ARL13B: variants seen among roughly 807,000 people sequenced by gnomAD.
The protein encoded by ARL13B is ADP-ribosylation factor-like protein 13B.
Under a neutral mutation model 56.1 loss-of-function variants are expected in ARL13B, and 36 were observed. The ratio of observed to expected loss-of-function variants is 0.64; its 90% CI spans 0.49 to 0.85. The LOEUF is 0.85. Among genes scored for constraint, ARL13B ranks in the 40% least tolerant of loss-of-function variants. The pLI, the probability that ARL13B is intolerant of heterozygous loss-of-function variation, is 0.00. For synonymous variants in ARL13B, 178 were observed against 171.1 expected, an observed-to-expected ratio of 1.04 and a Z score of -0.32; for missense variants, 519 against 507.1, an observed-to-expected ratio of 1.02 and a Z score of -0.23.
intron 3 of ARL13B, among the ~76,000 whole-genome samples, chr3:94,021,273 A>C (rs2076443615): frequency 6.6e-6 from 1 of 151,304 alleles, no homozygotes; most frequent in African/African-American, 2.4e-5. Context: ...AGCTCACTGC[A>C]ATCTCCACCT....
At chr3:94,008,334 G>T (rs2076167508) in intron 3 of ARL13B, among the ~76,000 whole-genome samples, 1 of 151,926 alleles carries the variant, frequency 6.6e-6, no homozygotes, top group African/African-American at 2.4e-5. Flanking sequence ...AATTAATCTA[G>T]CTGGCCCTTC....
At chr3:94,048,709 A>G (rs1298434615) in intron 7 of ARL13B, among the ~76,000 whole-genome samples, 4 of 151,892 alleles carry the variant, frequency 2.6e-5, no homozygotes, top group Non-Finnish European at 5.9e-5. Flanking sequence ...CTTCTGCCTC[A>G]GCCTCCTGAA....
chr3:94,036,596 G>A lies in ARL13B; in HGVS notation c.531G>A (p.Lys177=). The A allele has an allele frequency of 6.2e-7, 1 of 1,613,930 alleles. No homozygotes were observed. The highest frequency in any genetic ancestry group is 8.5e-7 in the Non-Finnish European group (1 of 1,179,986). ...CGGGGTATGGAAAGAAAATTGACAA[G>A]TCCATTAAAAAAGGCCTTTATTGGC... ...AISGYGKKID[K]SIKKGLYWLL... Residue 177 remains lysine, a synonymous_variant, in exon 5 of 10, where the codon AAG becomes AAA. Coordinates refer to ENST00000394222, the MANE Select transcript of ARL13B (RefSeq NM_001174150.2).
At chr3:94,041,936 A>G (rs2076870276) in intron 6 of ARL13B, among the ~76,000 whole-genome samples, 1 of 152,096 alleles carries the variant, frequency 6.6e-6, no homozygotes, top group Admixed American at 6.6e-5. Context: ...ACGAACCTAT[A>G]ATCCCAGCTA....
intron 7 of ARL13B, among the ~76,000 whole-genome samples, chr3:94,044,876 G>A (rs1237258641): frequency 4.9e-5 from 7 of 142,670 alleles, no homozygotes; most frequent in East Asian, 2.2e-4. Flanking sequence ...CTGCCTGCCC[G>A]CCCCTCGTCG....
At chr3:94,015,290 G>C in intron 3 of ARL13B, 1 of 1,502,538 alleles carries the variant, frequency 6.7e-7, no homozygotes, top group Non-Finnish European at 8.8e-7. Context: ...CTCCTAAGAA[G>C]CAAAAATTTT....
intron 3 of ARL13B, among the ~76,000 whole-genome samples, chr3:94,031,894 G>A (rs2076682883): frequency 6.6e-6 from 1 of 151,984 alleles, no homozygotes; most frequent in Admixed American, 6.6e-5. Flanking sequence ...AATGAAACTG[G>A]AACCCTGTCT....
intron 3 of ARL13B, among the ~76,000 whole-genome samples, chr3:94,029,332 ATATTTAT>A (rs1321005626): frequency 1.7e-4 from 12 of 72,378 alleles, no homozygotes; most frequent in Non-Finnish European, 2.9e-4. Context: ...ATATATATAT[ATATTTAT>A]TTTTTTTTTA....
At chr3:94,047,463 A>G (rs1156892690) in intron 7 of ARL13B, among the ~76,000 whole-genome samples, 2 of 152,202 alleles carry the variant, frequency 1.3e-5, no homozygotes, top group Admixed American at 1.3e-4. Context: ...AATATAGCAC[A>G]GGGAGATCTC....
chr3:93,988,540 A>G, intron 1 of ARL13B: 1 of 294,436 alleles, frequency 3.4e-6, no homozygotes, highest in Non-Finnish European at 6.7e-6. Flanking sequence ...TAGAGCTACT[A>G]AAAGACTTGC....
rs185513154 is a variant in ARL13B, at chr3:94,030,174, T to A, written c.381-5157T>A. On this transcript the variant is annotated intron_variant, in intron 3 of 9. Coordinates refer to ENST00000394222, the MANE Select transcript of ARL13B (RefSeq NM_001174150.2). ...AGGCAGAGAGATAGCAAATAGTTCC[T>A]TTCTGATTGTACCTTGTTTTTATAG... Among the ~76,000 whole-genome samples, 8 of 152,226 alleles carry A rather than the reference T, an allele frequency of 5.3e-5. No homozygotes were observed. The East Asian group carries it at 1.5e-3, about 29-fold the overall frequency.
intron 1 of ARL13B, among the ~76,000 whole-genome samples, chr3:93,980,726 AGTGTGTGTGTGTGTGTGTGTGT>A (rs35756044): frequency 2.0e-5 from 3 of 147,066 alleles, no homozygotes; most frequent in South Asian, 4.4e-4. Context: ...TTTGTTAAAA[AGTGTGTGTGTGTGTGTGTGTGT>A]GTGTGTGTGT....
chr3:94,021,980 C>T (rs1324552926), intron 3 of ARL13B, among the ~76,000 whole-genome samples: 2 of 152,066 alleles, frequency 1.3e-5, no homozygotes, highest in East Asian at 1.9e-4. Flanking sequence ...CCTTACCTGC[C>T]GTACCACATC....
At chr3:93,999,087 CTATTTATTTATT>C (rs6147954) in intron 2 of ARL13B, among the ~76,000 whole-genome samples, 5 of 149,622 alleles carry the variant, frequency 3.3e-5, no homozygotes, top group Non-Finnish European at 5.9e-5. Context: ...AATTCATATT[CTATTTATTTATT>C]TATTTATTTA....
chr3:93,980,812 A>C (rs1369001084), intron 1 of ARL13B, among the ~76,000 whole-genome samples: 1 of 152,024 alleles, frequency 6.6e-6, no homozygotes, highest in Non-Finnish European at 1.5e-5. Context: ...TTTGTAATGG[A>C]AATTCTTTTA....
In ARL13B at chr3:94,044,801, C is replaced by T. The variant is rs373603466; in HGVS notation, c.1024+1561C>T. On this transcript the variant is annotated intron_variant, in intron 7 of 9. Coordinates refer to ENST00000394222, the MANE Select transcript of ARL13B (RefSeq NM_001174150.2). ...GAAGTGAGGAGCGCCTCTGCCCGGC[C>T]GCGCCGTCTGGGAAGTGGGGAGCGC... 2.8e-4 allele frequency among the ~76,000 whole-genome samples: 41 copies of T among 146,274 alleles called. No homozygotes were observed. The East Asian group carries it at 6.7e-3, about 24-fold the overall frequency.
rs1258070216 is a variant in ARL13B at position 93,980,166 on chromosome 3, G to C, written c.-258G>C. On this transcript the variant is annotated 5_prime_UTR_variant, in exon 1 of 10. Coordinates refer to ENST00000394222, the MANE Select transcript of ARL13B (RefSeq NM_001174150.2). ...CACGTCGACGCGGGGCTTTTCTTTAGCCGGGTCCCGCTAACTCGGCTACGG... is the reference window on the plus strand; with the variant it reads ...CACGTCGACGCGGGGCTTTTCTTTACCCGGGTCCCGCTAACTCGGCTACGG... The C allele has an allele frequency of 1.6e-6, 1 of 641,636 alleles. No individual in the cohort carries two copies. The highest frequency in any genetic ancestry group is 2.8e-6 in the Non-Finnish European group (1 of 351,742). 39.7% of individuals were successfully genotyped at this position (641,636 alleles called of 1,614,324 possible).
At chr3:93,983,654 T>G (rs1340865670) in intron 1 of ARL13B, among the ~76,000 whole-genome samples, 7 of 152,132 alleles carry the variant, frequency 4.6e-5, no homozygotes, top group Non-Finnish European at 7.4e-5. Context: ...TCTGGGGTTT[T>G]TTTTGTTTTG....
intron 7 of ARL13B, 64 bp downstream of exon 7, chr3:94,043,304 C>A: frequency 1.4e-6 from 2 of 1,381,824 alleles, no homozygotes; most frequent in East Asian, 2.5e-5. Flanking sequence ...TATACTTCAT[C>A]TCATTTTTTA....
Sources: gnomAD v4.1 joint callset for allele counts (sites outside exome capture counted in the v4.1 genomes callset) on GRCh38, gnomAD v4.1.1 for gene constraint, MANE v1.5 for transcripts, NCBI Gene and HGNC (gene_info 2026-07-23, HGNC 2026-07-21) for gene names.